Variants in ST8SIA6 observed in about 807,000 individuals in gnomAD.
ST8SIA6 encodes alpha-2,8-sialyltransferase 8F.
ST8SIA6 carries 39 observed loss-of-function variants against 33.6 expected under a neutral mutation model. The ratio of observed to expected loss-of-function variants is 1.16; its 90% CI spans 0.90 to 1.52. The LOEUF is 1.52. ST8SIA6 is among the 40% of genes most tolerant of loss of function. ST8SIA6 has a pLI of 0.00. For synonymous variants in ST8SIA6, 172 were observed against 167.2 expected (o/e 1.03, Z -0.22); for missense variants, 441 against 443.8 (o/e 0.99, Z 0.06).
intron 3 of ST8SIA6, among the ~76,000 whole-genome samples, chr10:17,371,908 A>G (rs12257666): frequency 6.6e-6 from 1 of 151,828 alleles, no homozygotes; most frequent in Admixed American, 6.6e-5. Context: ...TAGAAATAAT[A>G]TATTTATTGT....
rs747229583 is a variant in ST8SIA6, at chr10:17,320,979, T to A, written c.1096A>T (p.Lys366Ter). The A allele has an allele frequency of 3.7e-6, 6 of 1,614,114 alleles. No homozygotes were observed. In the South Asian group the frequency reaches 6.6e-5, roughly 18 times the overall value. The change falls in exon 8 of 8, where the codon AAA becomes TAA. Residue 366 changes from lysine to a stop codon, truncating the protein, a stop_gained. Coordinates refer to ENST00000377602, the MANE Select transcript of ST8SIA6 (RefSeq NM_001004470.3). LOFTEE classifies it high-confidence loss of function. Reference protein sequence around the residue: ...SHHYYDNKLPKHGFHQMPKEY... With the variant: ...SHHYYDNKLP ...TTGGGCATCTGATGGAAACCATGTT[T>A]AGGTAGCTTGTTGTCATAATAGTGA... is the stretch of plus-strand genomic sequence containing the variant.
chr10:17,350,134 G>T (rs187553541), intron 4 of ST8SIA6, among the ~76,000 whole-genome samples: 1 of 152,160 alleles, frequency 6.6e-6, no homozygotes, highest in Non-Finnish European at 1.5e-5. Flanking sequence ...GCCAAAGTCC[G>T]TAGTCCCTCC....
At chr10:17,323,229 G>GCACACGCACACA in intron 6 of ST8SIA6, 72 bp from the exon 7 acceptor site, 1 of 793,956 alleles carries the variant, frequency 1.3e-6, no homozygotes, top group South Asian at 1.7e-5. Flanking sequence ...ACATATGCGC[G>GCACACGCACACA]CACACACACA....
intron 4 of ST8SIA6, among the ~76,000 whole-genome samples, chr10:17,346,878 TATCTATCG>T (rs1487592052): frequency 6.6e-6 from 1 of 152,134 alleles, no homozygotes; most frequent in African/African-American, 2.4e-5. Flanking sequence ...TTTATGTATC[TATCTATCG>T]ATCTATCGAG....
chr10:17,433,083 C>T (rs550565180), intron 2 of ST8SIA6, among the ~76,000 whole-genome samples: 2 of 152,278 alleles, frequency 1.3e-5, no homozygotes, highest in Non-Finnish European at 2.9e-5. Context: ...CAATTAAACT[C>T]CTTTAAATTT....
intron 4 of ST8SIA6, among the ~76,000 whole-genome samples, chr10:17,350,941 A>G (rs781683714): frequency 6.6e-6 from 1 of 152,212 alleles, no homozygotes; most frequent in Non-Finnish European, 1.5e-5. Context: ...AGAAAGTCAG[A>G]CATCAGTGAT....
At chr10:17,438,868 GAGAATATTGCACAGACCTTGTT>G (rs1232926073) in intron 2 of ST8SIA6, among the ~76,000 whole-genome samples, 1 of 152,218 alleles carries the variant, frequency 6.6e-6, no homozygotes, top group Non-Finnish European at 1.5e-5. Context: ...TTAAGACCAA[GAGAATATTGCACAGACCTTGTT>G]AGAATAACTC....
chr10:17,387,514 G>A (rs1252561316), intron 3 of ST8SIA6, among the ~76,000 whole-genome samples: 2 of 149,836 alleles, frequency 1.3e-5, no homozygotes, highest in Admixed American at 6.7e-5. Context: ...TGATCTGCCC[G>A]CCTCAGCCTC....
In ST8SIA6 at chr10:17,318,604, C is replaced by T; in HGVS notation, c.*2274G>A. On this transcript the variant is annotated 3_prime_UTR_variant, in exon 8 of 8. Transcript: ENST00000377602. ...CTTGAGTTTTAAGAGCAGAAGATCA[C>T]ATTAGATCTAACAATATTTAAGCAA... 1 of 457,904 alleles carries T rather than the reference C, an allele frequency of 2.2e-6. No homozygotes were observed. Among genetic ancestry groups the T allele is most frequent in the Non-Finnish European group, 4.5e-6 (1 of 222,404 alleles). 28.4% of individuals were successfully genotyped at this position (457,904 alleles called of 1,614,324 possible). A position where few individuals can be genotyped will look rare whatever the true frequency, so the allele number is the denominator to read the frequency against.
intron 2 of ST8SIA6, among the ~76,000 whole-genome samples, chr10:17,405,893 A>T (rs1299242124): frequency 6.6e-6 from 1 of 151,790 alleles, no homozygotes; most frequent in Non-Finnish European, 1.5e-5. Context: ...TCAAAAAAAA[A>T]AAAAAAAAAG....
intron 3 of ST8SIA6, among the ~76,000 whole-genome samples, chr10:17,365,538 C>T (rs897637635): frequency 6.6e-6 from 1 of 152,152 alleles, no homozygotes; most frequent in Admixed American, 6.5e-5. Context: ...CATCCTGCTC[C>T]ATCCTGCCTG....
chr10:17,397,590 G>A (rs1297061035), intron 2 of ST8SIA6, among the ~76,000 whole-genome samples: 4 of 152,052 alleles, frequency 2.6e-5, no homozygotes, highest in Admixed American at 6.5e-5. Context: ...CATCCCCATC[G>A]CTCTTGAGAT....
rs1308834907 is a variant in ST8SIA6 at position 17,315,637 on chromosome 10, A to G, written c.*5241T>C. The stretch of plus-strand genomic sequence containing the variant: ...AAGACAAGAAATGAGTACAGACAGT[A>G]AGATTCCATTTATATAAAATTCTAA... On this transcript the variant is annotated 3_prime_UTR_variant, in exon 8 of 8. Transcript: ENST00000377602. Among the ~76,000 whole-genome samples, 1 of 152,046 alleles carries G rather than the reference A, an allele frequency of 6.6e-6. No individual in the cohort carries two copies. The highest frequency in any genetic ancestry group is 1.5e-5 in the Non-Finnish European group (1 of 67,920).
intron 5 of ST8SIA6, among the ~76,000 whole-genome samples, chr10:17,328,984 G>T (rs563669717): frequency 4.6e-5 from 7 of 152,146 alleles, no homozygotes; most frequent in Non-Finnish European, 5.9e-5. Context: ...GTCAAAGTCA[G>T]TTTACCAGCC....
intron 2 of ST8SIA6, among the ~76,000 whole-genome samples, chr10:17,393,113 G>A (rs1245458174): frequency 2.6e-5 from 4 of 152,170 alleles, no homozygotes; most frequent in African/African-American, 9.7e-5. Context: ...CTGGGACGTC[G>A]TTTTCTCCTG....
intron 4 of ST8SIA6, among the ~76,000 whole-genome samples, chr10:17,357,932 C>G (rs1849252081): frequency 6.6e-6 from 1 of 152,106 alleles, no homozygotes; most frequent in Admixed American, 6.6e-5. Context: ...ACTCTGTTAT[C>G]ACTTGTTGAC....
chr10:17,331,328 A>G, intron 5 of ST8SIA6, 80 bp downstream of exon 5: 1 of 1,474,900 alleles, frequency 6.8e-7, no homozygotes, highest in Non-Finnish European at 9.1e-7. Flanking sequence ...AGTCCATCAT[A>G]ATTGTAAGTT....
intron 3 of ST8SIA6, among the ~76,000 whole-genome samples, chr10:17,361,709 TG>T (rs1286006241): frequency 7.7e-6 from 1 of 129,282 alleles, no homozygotes; most frequent in Non-Finnish European, 1.6e-5. Flanking sequence ...GAAAAGACAT[TG>T]GGAAAAAAAA....
chr10:17,342,984 A>T (rs1848724288), intron 4 of ST8SIA6, among the ~76,000 whole-genome samples: 1 of 152,180 alleles, frequency 6.6e-6, no homozygotes, highest in Non-Finnish European at 1.5e-5. Flanking sequence ...GCAGGGCGTT[A>T]TGATAATGGC....
Sources: gnomAD v4.1 joint callset for allele counts (sites outside exome capture counted in the v4.1 genomes callset) on GRCh38, gnomAD v4.1.1 for gene constraint, MANE v1.5 for transcripts, NCBI Gene and HGNC (gene_info 2026-07-23, HGNC 2026-07-21) for gene names.